The following CCDC85A variants were observed in gnomAD, a reference collection of about 807,000 sequenced individuals.
CCDC85A encodes coiled-coil domain containing 85A.
A neutral mutation model predicts 50.2 loss-of-function variants in CCDC85A; 38 were observed. That is an observed-to-expected ratio of 0.76 (90% confidence interval 0.58 to 0.99). CCDC85A has a LOEUF of 0.99. CCDC85A is among the 50% of genes least tolerant of loss of function. The probability of loss-of-function intolerance (pLI) is 0.00; values close to 1 mark genes in which losing one functional copy is unlikely to be tolerated. For missense variants in CCDC85A, 820 were observed against 742.0 expected (o/e 1.11, Z -1.22); for synonymous variants, 366 against 301.4 (o/e 1.21, Z -2.22).
At chr2:56,251,455 ACTTT>A (rs1458832321) in intron 2 of CCDC85A, among the ~76,000 whole-genome samples, 2 of 152,144 alleles carry the variant, frequency 1.3e-5, no homozygotes, top group Non-Finnish European at 2.9e-5. Context: ...TAGTCTTGAC[ACTTT>A]CTTCTACAAA....
intron 5 of CCDC85A, among the ~76,000 whole-genome samples, chr2:56,380,071 A>G (rs182555211): frequency 2.6e-4 from 39 of 152,296 alleles, no homozygotes; most frequent in African/African-American, 8.9e-4. Flanking sequence ...CCAATTCTGT[A>G]TTCCAGAAGA....
chr2:56,241,744 G>C (rs1435735086), intron 2 of CCDC85A, among the ~76,000 whole-genome samples: 1 of 152,150 alleles, frequency 6.6e-6, no homozygotes, highest in South Asian at 2.1e-4. Context: ...GGACACTTAG[G>C]TTGTTTCAAA....
At chr2:56,291,636 C>T (rs1671709626) in intron 2 of CCDC85A, among the ~76,000 whole-genome samples, 1 of 152,076 alleles carries the variant, frequency 6.6e-6, no homozygotes, top group African/African-American at 2.4e-5. Context: ...GTTTGGTGGG[C>T]TATCAGAGCC....
chr2:56,338,444 C>A (rs560206698), intron 2 of CCDC85A, among the ~76,000 whole-genome samples: 2 of 152,036 alleles, frequency 1.3e-5, no homozygotes, highest in East Asian at 1.9e-4. Flanking sequence ...GGGGTTGCAG[C>A]GGATGTGGTC....
intron 2 of CCDC85A, among the ~76,000 whole-genome samples, chr2:56,316,408 A>G (rs75633347): frequency 0.012 from 1,751 of 152,234 alleles, 15 homozygotes; most frequent in Middle Eastern, 0.031. Context: ...GGACCCACAC[A>G]AAGGAACTTT....
At chr2:56,336,752 G>C (rs1376498000) in intron 2 of CCDC85A, among the ~76,000 whole-genome samples, 1 of 152,172 alleles carries the variant, frequency 6.6e-6, no homozygotes, top group Non-Finnish European at 1.5e-5. Flanking sequence ...AACTAACAGA[G>C]AAAACGAACA....
chr2:56,194,125 C>T (rs149907326), intron 2 of CCDC85A, among the ~76,000 whole-genome samples: 1 of 152,228 alleles, frequency 6.6e-6, no homozygotes, highest in East Asian at 1.9e-4. Flanking sequence ...ATACATATTC[C>T]AAATAATATG....
chr2:56,368,099 T>C (rs1408454090), intron 3 of CCDC85A, among the ~76,000 whole-genome samples: 3 of 152,198 alleles, frequency 2.0e-5, no homozygotes, highest in Non-Finnish European at 4.4e-5. Context: ...CTATATGGCA[T>C]TGCATGCAAT....
intron 2 of CCDC85A, among the ~76,000 whole-genome samples, chr2:56,243,394 C>G (rs1317987789): frequency 6.6e-6 from 1 of 152,036 alleles, no homozygotes; most frequent in Non-Finnish European, 1.5e-5. Context: ...TCTTTCCACT[C>G]CTTGATCAAT....
chr2:56,242,711 G>T (rs1669317030), intron 2 of CCDC85A, among the ~76,000 whole-genome samples: 1 of 152,064 alleles, frequency 6.6e-6, no homozygotes, highest in South Asian at 2.1e-4. Context: ...CCATTCTACA[G>T]ATTGTCTTTT....
Position 56,326,838 on chromosome 2 carries a change from A to T in CCDC85A, c.1241-16041A>T, listed in dbSNP as rs1022283366. 6.1e-5 allele frequency among the ~76,000 whole-genome samples: 9 copies of T among 148,738 alleles called. No homozygotes were observed. In the East Asian group the frequency reaches 1.8e-3, roughly 29 times the overall value. ...CTTTACACTAGGATTAAGGTGAAGTATTTTTTTTTTTCTTAATCAGGTAAT... is the reference window on the plus strand; with the variant it reads ...CTTTACACTAGGATTAAGGTGAAGTTTTTTTTTTTTTCTTAATCAGGTAAT... On this transcript the variant is annotated intron_variant, in intron 2 of 5. Coordinates refer to ENST00000407595, the MANE Select transcript of CCDC85A (RefSeq NM_001080433.2).
rs751791017 is a variant in CCDC85A, at chr2:56,192,480, A to G, written c.280A>G (p.Ile94Val). 2.5e-6 allele frequency: 4 copies of G among 1,607,340 alleles called. No individual in the cohort carries two copies. The highest frequency in any genetic ancestry group is 2.2e-5 in the South Asian group (2 of 89,784). The change falls in exon 2 of 6, where the codon ATC becomes GTC. Residue 94 changes from isoleucine to valine, a missense_variant. Coordinates refer to ENST00000407595, the MANE Select transcript of CCDC85A (RefSeq NM_001080433.2). The surrounding 1 kb of genome is among the most constrained non-coding windows in gnomAD (Gnocchi z 4.7). ...ATGGTTGTGTCTCTCTTTTCAGGAT[A>G]TCAACCAGAAACTCCAGGAAGACAA... ...HLGEIRGLKDINQKLQEDNQE... is the reference protein window; with the variant it reads ...HLGEIRGLKDVNQKLQEDNQE...
At chr2:56,254,275 G>T (rs1235973322) in intron 2 of CCDC85A, among the ~76,000 whole-genome samples, 2 of 152,018 alleles carry the variant, frequency 1.3e-5, no homozygotes, top group Non-Finnish European at 2.9e-5. Flanking sequence ...ATTCTCGGAG[G>T]GTTCCCAGCA....
intron 2 of CCDC85A, among the ~76,000 whole-genome samples, chr2:56,313,342 C>A (rs1672779005): frequency 6.6e-6 from 1 of 152,132 alleles, no homozygotes; most frequent in Non-Finnish European, 1.5e-5. Context: ...GCAGTATTAA[C>A]TATTTTTTAT....
chr2:56,225,893 A>G (rs561855832), intron 2 of CCDC85A, among the ~76,000 whole-genome samples: 2 of 152,300 alleles, frequency 1.3e-5, no homozygotes, highest in East Asian at 1.9e-4. Flanking sequence ...CTTCTGTTAT[A>G]TAAAGATGCT....
At chr2:56,383,220 C>T (rs1175688042) in intron 5 of CCDC85A, among the ~76,000 whole-genome samples, 1 of 151,832 alleles carries the variant, frequency 6.6e-6, no homozygotes, top group African/African-American at 2.4e-5. Flanking sequence ...CTGTAGTATC[C>T]ACTTCTATTT....
intron 1 of CCDC85A, among the ~76,000 whole-genome samples, chr2:56,187,289 T>A (rs1676092867): frequency 6.6e-6 from 1 of 152,228 alleles, no homozygotes; most frequent in African/African-American, 2.4e-5. Flanking sequence ...TACATTTTCT[T>A]TTTTATGCCT....
chr2:56,216,209 C>T (rs1205459500), intron 2 of CCDC85A, among the ~76,000 whole-genome samples: 1 of 151,860 alleles, frequency 6.6e-6, no homozygotes, highest in Non-Finnish European at 1.5e-5. Flanking sequence ...TATGTGCATA[C>T]TTGTGCATCT....
intron 5 of CCDC85A, among the ~76,000 whole-genome samples, chr2:56,376,743 G>A (rs1331428345): frequency 6.6e-6 from 1 of 152,192 alleles, no homozygotes; most frequent in African/African-American, 2.4e-5. Flanking sequence ...CAGTTTCAAT[G>A]TATGAAGCAC....
Sources: gnomAD v4.1 joint callset for allele counts (sites outside exome capture counted in the v4.1 genomes callset) on GRCh38, gnomAD v4.1.1 for gene constraint, Gnocchi (gnomAD v3.1) non-coding constraint, MANE v1.5 for transcripts, NCBI Gene and HGNC (gene_info 2026-07-23, HGNC 2026-07-21) for gene names.